EIF3B: variants seen among roughly 807,000 people sequenced by gnomAD.
EIF3B encodes the protein eukaryotic translation initiation factor 3 subunit 9.
In EIF3B, 10 loss-of-function variants were observed where a neutral mutation model predicts 104.6. That is an observed-to-expected ratio of 0.10 (90% confidence interval 0.06 to 0.16). EIF3B has a LOEUF of 0.16. EIF3B is among the 10% of genes least tolerant of loss of function. EIF3B has a pLI of 1.00. For missense variants in EIF3B, 1,014 were observed against 1,087.9 expected, an observed-to-expected ratio of 0.93 and a Z score of 0.96; for synonymous variants, 542 against 417.2, an observed-to-expected ratio of 1.30 and a Z score of -3.65.
rs376170115 is a variant in EIF3B, at chr7:2,379,528, G to A, written c.*14+17G>A. The A allele has an allele frequency of 4.1e-6, 6 of 1,479,532 alleles. No individual in the cohort carries two copies. In the African/African-American group the frequency reaches 7.0e-5, roughly 17 times the overall value. The allele number at this position is 1,479,532 out of a possible 1,614,324, so 91.7% of individuals were successfully genotyped here. On this transcript the variant is annotated intron_variant, in intron 18 of 18. Transcript: ENST00000360876. Reference sequence around the variant, plus strand: ...AGCACTGTGGTGAGCGTCTGCAGGGGGCGCGATGGGGGTCCTGTTGGCTGC... The same window carrying A: ...AGCACTGTGGTGAGCGTCTGCAGGGAGCGCGATGGGGGTCCTGTTGGCTGC...
intron 14 of EIF3B, 120 bp from the exon 15 acceptor site, chr7:2,376,830 C>A: frequency 7.0e-7 from 1 of 1,431,020 alleles, no homozygotes; most frequent in Non-Finnish European, 9.4e-7. Context: ...TCAGCACAGG[C>A]AGAGCTTTGT....
rs955597430 is a variant in EIF3B, at chr7:2,367,821, T to A, written c.1403+776T>A. Reference sequence around the variant, plus strand: ...GAAAACGGTGAGTTTGTTCTTTTTTTAAAATTTTTTTTTTTTTTTTTTTTT... The same window carrying A: ...GAAAACGGTGAGTTTGTTCTTTTTTAAAAATTTTTTTTTTTTTTTTTTTTT... On this transcript the variant is annotated intron_variant, in intron 9 of 18. Coordinates refer to ENST00000360876, the MANE Select transcript of EIF3B (RefSeq NM_001037283.2). Among the ~76,000 whole-genome samples, 8 of 139,640 alleles carry A rather than the reference T, an allele frequency of 5.7e-5. No homozygotes were observed. In the South Asian group the frequency reaches 1.1e-3, roughly 20 times the overall value. 91.6% of individuals were successfully genotyped at this position (139,640 alleles called of 152,430 possible).
rs200089529 is a variant in EIF3B, at chr7:2,372,686, C to A, written c.1701C>A (p.Ala567=). Reference sequence around the variant, plus strand: ...TGTGCATTTTAGAAACCATCATAGCCTTTGCCTGGGAACCAAATGGAAGTA... The same window carrying A: ...TGTGCATTTTAGAAACCATCATAGCATTTGCCTGGGAACCAAATGGAAGTA... The part of the protein sequence containing the change: ...DVVEMKETII[A]FAWEPNGSKF... Residue 567 remains alanine (A), a synonymous_variant, in exon 12 of 19, where the codon GCC becomes GCA. Transcript: ENST00000360876. The A allele has an allele frequency of 1.2e-6, 2 of 1,614,006 alleles. No individual in the cohort carries two copies. Among genetic ancestry groups the A allele is most frequent in the East Asian group, 4.5e-5 (2 of 44,880 alleles).
rs1459187600 is a variant in EIF3B at position 2,360,867 on chromosome 7, T to C, written c.657T>C (p.Asn219=). The change falls in exon 2 of 19, where the codon AAT becomes AAC. Residue 219 remains asparagine (N), a synonymous_variant. Transcript: ENST00000360876. ...KIFSKFGKIT[N]DFYPEEDGKT... is the part of the protein sequence containing the mutation. ...TTTCCAAGTTTGGGAAAATCACAAA[T>C]GATTTTTATCCTGAAGAGGATGGGA... 6.2e-7 allele frequency: 1 copy of C among 1,613,606 alleles called. No homozygotes were observed. Among genetic ancestry groups the C allele is most frequent in the African/African-American group, 1.3e-5 (1 of 74,892 alleles).
chr7:2,374,412 G>C, intron 12 of EIF3B, 116 bp from the exon 13 acceptor site: 2 of 884,408 alleles, frequency 2.3e-6, no homozygotes, highest in Non-Finnish European at 1.8e-6. Flanking sequence ...AGGTGGTCCA[G>C]CATTACCAGC....
rs562035919 is a variant in EIF3B, at chr7:2,357,397, C to T, written c.499+1977C>T. On this transcript the variant is annotated intron_variant, in intron 1 of 18. Transcript: ENST00000360876. ...TGGTTGTGGTAACGCAGGTTTTGTG[C>T]TTTATGAGAAGAGCTGCCCTTCAGG... Among the ~76,000 whole-genome samples the T allele has an allele frequency of 3.0e-4, 45 of 152,254 alleles. 1 individual carries two copies. In the South Asian group the frequency reaches 9.1e-3, roughly 31 times the overall value.
rs780284927 is a variant in EIF3B at position 2,380,344 on chromosome 7, C to G, written c.*155C>G. 1.9e-6 allele frequency: 1 copy of G among 518,784 alleles called. No homozygotes were observed. Among genetic ancestry groups the G allele is most frequent in the Non-Finnish European group, 3.8e-6 (1 of 259,744 alleles). The allele number at this position is 518,784 out of a possible 1,614,324, so 32.1% of individuals were successfully genotyped here. A position where few individuals can be genotyped will look rare whatever the true frequency, so the allele number is the denominator to read the frequency against. On this transcript the variant is annotated 3_prime_UTR_variant, in exon 19 of 19. Coordinates refer to ENST00000360876, the MANE Select transcript of EIF3B (RefSeq NM_001037283.2). ...AAGCCGCGTGACTCCCGCCTCCTCCCTGTGCTCTCTGGCTCTGGACTGTGA... is the reference window on the plus strand; with the variant it reads ...AAGCCGCGTGACTCCCGCCTCCTCCGTGTGCTCTCTGGCTCTGGACTGTGA...
At chr7:2,373,333 C>G (rs1780460568) in intron 12 of EIF3B, 1 of 152,910 alleles carries the variant, frequency 6.5e-6, no homozygotes, top group South Asian at 2.1e-4. Context: ...ATCCTGGGGT[C>G]TCTGCTCAGC....
chr7:2,364,339 T>C, intron 5 of EIF3B, 33 bp from the exon 6 acceptor site: 1 of 1,544,390 alleles, frequency 6.5e-7, no homozygotes, highest in Non-Finnish European at 8.7e-7. Context: ...TGCCATTTTG[T>C]TGTATTAACG....
chr7:2,372,685 C>T lies in EIF3B; in HGVS notation c.1700C>T (p.Ala567Val). 6.2e-7 allele frequency: 1 copy of T among 1,613,898 alleles called. No individual in the cohort carries two copies. Among genetic ancestry groups the T allele is most frequent in the Non-Finnish European group, 8.5e-7 (1 of 1,179,884 alleles). The change falls in exon 12 of 19, where the codon GCC becomes GTC. Residue 567 changes from alanine to valine, a missense_variant. Ala to Val is a moderately conservative substitution (Grantham distance 64). Transcript: ENST00000360876. ...TTGTGCATTTTAGAAACCATCATAG[C>T]CTTTGCCTGGGAACCAAATGGAAGT... ...DVVEMKETII[A>V]FAWEPNGSKF...
Position 2,355,505 on chromosome 7 carries a change from A to C in EIF3B, c.499+85A>C. On this transcript the variant is annotated intron_variant, in intron 1 of 18. Coordinates refer to ENST00000360876, the MANE Select transcript of EIF3B (RefSeq NM_001037283.2). ...GTGGGAGATATCGTCGGGCTGTGCCACCGGTTCGTGCAGAAGTTCCAGCGA... is the reference window on the plus strand; with the variant it reads ...GTGGGAGATATCGTCGGGCTGTGCCCCCGGTTCGTGCAGAAGTTCCAGCGA... 2.9e-6 allele frequency: 4 copies of C among 1,395,110 alleles called. No individual in the cohort carries two copies. The South Asian group carries it at 4.6e-5, about 16-fold the overall frequency. 86.4% of individuals were successfully genotyped at this position (1,395,110 alleles called of 1,614,324 possible). A position where few individuals can be genotyped will look rare whatever the true frequency, so the allele number is the denominator to read the frequency against.
At position 2,360,724 on chromosome 7, in the gene EIF3B, G is replaced by A; in HGVS notation, c.514G>A (p.Val172Ile). 1.9e-6 allele frequency: 3 copies of A among 1,587,706 alleles called. No homozygotes were observed. The highest frequency in any genetic ancestry group is 2.6e-6 in the Non-Finnish European group (3 of 1,159,978). The change falls in exon 2 of 19, where the codon GTA (valine) becomes ATA (isoleucine). Residue 172 changes from valine to isoleucine, a missense_variant. Transcript: ENST00000360876. ...CTCTTGTTCAGAATTACTGGGAGAT[G>A]TACTCAAAGATCGGCCCCAGGAAGC... is the stretch of plus-strand genomic sequence containing the variant. ...DVSEEELLGD[V>I]LKDRPQEADG...
intron 12 of EIF3B, chr7:2,374,266 C>T (rs1430767833): frequency 2.7e-6 from 1 of 367,592 alleles, no homozygotes; most frequent in Non-Finnish European, 5.1e-6. Flanking sequence ...AAAGGGAATT[C>T]TTTGTCCAGT....
Position 2,379,159 on chromosome 7 carries a change from T to C in EIF3B, c.2258T>C (p.Met753Thr). The change falls in exon 17 of 19, where the codon ATG (methionine) becomes ACG (threonine). Residue 753 changes from methionine to threonine, a missense_variant. Physicochemically the swap from Met to Thr is moderately conservative, Grantham distance 81. Coordinates refer to ENST00000360876, the MANE Select transcript of EIF3B (RefSeq NM_001037283.2). ...SKELVERRRT[M>T]MEDFRKYRKM... ...GAATTGGTGGAGAGAAGGCGCACCA[T>C]GATGGAAGATTTCCGGAAGTACCGG... The C allele has an allele frequency of 6.2e-7, 1 of 1,613,896 alleles. No individual in the cohort carries two copies. Among genetic ancestry groups the C allele is most frequent in the Non-Finnish European group, 8.5e-7 (1 of 1,179,948 alleles).
At chr7:2,356,443 TAAAA>T (rs894719899) in intron 1 of EIF3B, among the ~76,000 whole-genome samples, 1 of 150,122 alleles carries the variant, frequency 6.7e-6, no homozygotes, top group Non-Finnish European at 1.5e-5. Context: ...CTACTAAAAA[TAAAA>T]AAAAATTAGC....
At chr7:2,358,018 T>G (rs1036414725) in intron 1 of EIF3B, among the ~76,000 whole-genome samples, 4 of 151,798 alleles carry the variant, frequency 2.6e-5, no homozygotes, top group Non-Finnish European at 5.9e-5. Context: ...TTTTTCCCTT[T>G]TTTTTTCTCT....
In EIF3B at chr7:2,380,314, G is replaced by A. The variant is rs370904265; in HGVS notation, c.*125G>A. 2.0e-4 allele frequency: 104 copies of A among 517,240 alleles called. No individual in the cohort carries two copies. The highest frequency in any genetic ancestry group is 1.5e-3 in the South Asian group (104 of 71,196). The allele number at this position is 517,240 out of a possible 1,614,324, so 32.0% of individuals were successfully genotyped here. ...TGTGCTGTGGAGCCGAGGCCGTCCT[G>A]CAGGAAGCCGCGTGACTCCCGCCTC... On this transcript the variant is annotated 3_prime_UTR_variant, in exon 19 of 19. Transcript: ENST00000360876.
Position 2,372,774 on chromosome 7 carries a change from A to C in EIF3B, c.1789A>C (p.Asn597His). ...TGTGTCTTTCTACCACGTCAAAAACAACGGGAAGATTGAACTCATCAGTAA... is the reference window on the plus strand; with the variant it reads ...TGTGTCTTTCTACCACGTCAAAAACCACGGGAAGATTGAACTCATCAGTAA... ...ISVSFYHVKNNGKIELIKMFD... is the reference protein window; with the variant it reads ...ISVSFYHVKNHGKIELIKMFD... The change falls in exon 12 of 19, where the codon AAC becomes CAC. Residue 597 changes from asparagine (N) to histidine (H), a missense_variant. This residue lies in a region of EIF3B where 266 missense variants were observed against 324.0 expected (regional missense o/e 0.82). Transcript: ENST00000360876. 1.2e-6 allele frequency: 2 copies of C among 1,614,184 alleles called. No individual in the cohort carries two copies. Among genetic ancestry groups the C allele is most frequent in the Non-Finnish European group, 8.5e-7 (1 of 1,180,018 alleles).
At chr7:2,361,549 A>T (rs1779726891) in intron 2 of EIF3B, among the ~76,000 whole-genome samples, 1 of 151,778 alleles carries the variant, frequency 6.6e-6, no homozygotes, top group Non-Finnish European at 1.5e-5. Flanking sequence ...CCTCCCTAGT[A>T]GCTGGGACTA....
Sources: gnomAD v4.1 joint callset for allele counts (sites outside exome capture counted in the v4.1 genomes callset) on GRCh38, gnomAD v4.1.1 for gene constraint, gnomAD v4.1.1 regional missense constraint, MANE v1.5 for transcripts, NCBI Gene and HGNC (gene_info 2026-07-23, HGNC 2026-07-21) for gene names.